WWOX: variants seen among roughly 807,000 people sequenced by gnomAD.
WWOX encodes WW domain containing oxidoreductase.
WWOX carries 69 observed loss-of-function variants against 46.2 expected under a neutral mutation model. The observed-to-expected ratio is 1.49, with a 90% CI of 1.23 to 1.82. The LOEUF (loss-of-function observed/expected upper bound fraction) is 1.82. Among genes scored for constraint, WWOX ranks in the 40% most tolerant of loss-of-function variants. WWOX has a pLI of 0.00. For missense variants in WWOX, 919 were observed against 542.6 expected, an observed-to-expected ratio of 1.69 and a Z score of -6.89; for synonymous variants, 359 against 202.6, an observed-to-expected ratio of 1.77 and a Z score of -6.56.
At chr16:78,850,989 A>C (rs1004440082) in intron 8 of WWOX, among the ~76,000 whole-genome samples, 2 of 152,144 alleles carry the variant, frequency 1.3e-5, no homozygotes, top group Non-Finnish European at 2.9e-5. Flanking sequence ...CTCTGCATGT[A>C]GTGTTTCTTT....
intron 5 of WWOX, among the ~76,000 whole-genome samples, chr16:78,354,270 T>A (rs893899463): frequency 6.6e-6 from 1 of 150,706 alleles, no homozygotes; most frequent in Non-Finnish European, 1.5e-5. Context: ...AATCTCTTTT[T>A]GCTTGGCATA....
At chr16:78,881,858 C>T (rs566579392) in intron 8 of WWOX, among the ~76,000 whole-genome samples, 314 of 152,326 alleles carry the variant, frequency 2.1e-3, no homozygotes, top group Middle Eastern at 0.017. Flanking sequence ...CACGGTGGCT[C>T]ATGCCTGTAA....
chr16:78,676,057 A>G (rs946939531), intron 8 of WWOX, among the ~76,000 whole-genome samples: 1 of 152,016 alleles, frequency 6.6e-6, no homozygotes, highest in Non-Finnish European at 1.5e-5. Flanking sequence ...TTGTTTAAGA[A>G]TCTCAGAGTA....
intron 8 of WWOX, among the ~76,000 whole-genome samples, chr16:78,932,945 C>T (rs1487101837): frequency 6.6e-6 from 1 of 152,194 alleles, no homozygotes; most frequent in African/African-American, 2.4e-5. Flanking sequence ...TGCTGCCTGC[C>T]CTCTGGTTGA....
At chr16:78,796,248 C>T (rs896681375) in intron 8 of WWOX, among the ~76,000 whole-genome samples, 1 of 152,220 alleles carries the variant, frequency 6.6e-6, no homozygotes, top group Admixed American at 6.5e-5. Flanking sequence ...AACTGGCCTC[C>T]CATACTGTGA....
rs543894335 is a variant in WWOX at position 78,843,574 on chromosome 16, C to A, written c.1057-368034C>A. ...TTGGAAATCACTTCCTTGGCCAGAG[C>A]AGGGGTCCGGTGTAAAGGAGGAAAT... On this transcript the variant is annotated intron_variant, in intron 8 of 8. Coordinates refer to ENST00000566780, the MANE Select transcript of WWOX (RefSeq NM_016373.4). Among the ~76,000 whole-genome samples, 84 of 140,440 alleles carry A rather than the reference C, an allele frequency of 6.0e-4. 7 individuals are homozygous for A. Among genetic ancestry groups the A allele is most frequent in the East Asian group, 1.6e-3 (8 of 4,956 alleles). 92.1% of individuals were successfully genotyped at this position (140,440 alleles called of 152,430 possible).
intron 8 of WWOX, among the ~76,000 whole-genome samples, chr16:78,893,628 ATTG>A (rs1360854132): frequency 2.0e-5 from 3 of 152,018 alleles, no homozygotes; most frequent in Non-Finnish European, 2.9e-5. Flanking sequence ...TATTTCATGT[ATTG>A]TTGTTTTCTT....
chr16:78,240,719 T>C (rs549382930), intron 5 of WWOX, among the ~76,000 whole-genome samples: 1 of 152,286 alleles, frequency 6.6e-6, no homozygotes, highest in South Asian at 2.1e-4. Flanking sequence ...GTTATGCATT[T>C]GCTTACTCAT....
chr16:78,884,365 T>G (rs1367214055), intron 8 of WWOX, among the ~76,000 whole-genome samples: 1 of 148,860 alleles, frequency 6.7e-6, no homozygotes, highest in Non-Finnish European at 1.5e-5. Flanking sequence ...AGTACAAGAG[T>G]GTGTTTAGCA....
intron 8 of WWOX, among the ~76,000 whole-genome samples, chr16:79,123,432 G>A (rs1021079564): frequency 1.4e-4 from 22 of 152,152 alleles, no homozygotes. Flanking sequence ...GCTGGGGAGT[G>A]AATCTGTCGT....
intron 8 of WWOX, among the ~76,000 whole-genome samples, chr16:79,006,013 G>A (rs58373874): frequency 0.029 from 4,415 of 152,180 alleles, 170 homozygotes; most frequent in South Asian, 0.095. Context: ...AACCATTTGC[G>A]GTCACCTCTT....
At chr16:78,392,260 C>T (rs573208594) in intron 6 of WWOX, among the ~76,000 whole-genome samples, 58 of 152,124 alleles carry the variant, frequency 3.8e-4, no homozygotes, top group African/African-American at 1.3e-3. Flanking sequence ...CTCATAGGAC[C>T]GTGATCCCTA....
At chr16:78,944,770 T>G (rs964402725) in intron 8 of WWOX, among the ~76,000 whole-genome samples, 2 of 152,148 alleles carry the variant, frequency 1.3e-5, no homozygotes, top group African/African-American at 4.8e-5. Context: ...CCCATCTAAG[T>G]AAGTGAGCAT....
intron 8 of WWOX, among the ~76,000 whole-genome samples, chr16:78,614,471 T>C (rs1277210794): frequency 6.6e-6 from 1 of 152,250 alleles, no homozygotes; most frequent in African/African-American, 2.4e-5. Context: ...CGGCAGGTCC[T>C]CTGGGCCAGC....
intron 8 of WWOX, among the ~76,000 whole-genome samples, chr16:78,841,788 T>G (rs2052158203): frequency 6.6e-6 from 1 of 152,230 alleles, no homozygotes; most frequent in Admixed American, 6.5e-5. Flanking sequence ...TAAAAAAAAT[T>G]TATGACATAT....
intron 8 of WWOX, among the ~76,000 whole-genome samples, chr16:78,675,904 T>C (rs2047586741): frequency 1.3e-5 from 2 of 152,092 alleles, no homozygotes; most frequent in Non-Finnish European, 2.9e-5. Flanking sequence ...ATTTGGAAAA[T>C]GTAAGAAGTC....
chr16:78,669,902 G>A (rs1402944623), intron 8 of WWOX, among the ~76,000 whole-genome samples: 2 of 152,092 alleles, frequency 1.3e-5, no homozygotes, highest in Non-Finnish European at 1.5e-5. Context: ...TCTTGCACAT[G>A]TACTGCTTTT....
At chr16:78,303,850 C>CGTG (rs2080086614) in intron 5 of WWOX, among the ~76,000 whole-genome samples, 1 of 152,134 alleles carries the variant, frequency 6.6e-6, no homozygotes, top group Non-Finnish European at 1.5e-5. Context: ...CGGCCAGACC[C>CGTG]GTGCTCTTTC....
At chr16:78,934,287 G>C (rs1032145759) in intron 8 of WWOX, among the ~76,000 whole-genome samples, 1 of 143,444 alleles carries the variant, frequency 7.0e-6, no homozygotes, top group Non-Finnish European at 1.5e-5. Context: ...GCAGTGAGCC[G>C]AGATCGCACC....
Sources: gnomAD v4.1 joint callset for allele counts (sites outside exome capture counted in the v4.1 genomes callset) on GRCh38, gnomAD v4.1.1 for gene constraint, MANE v1.5 for transcripts, NCBI Gene and HGNC (gene_info 2026-07-23, HGNC 2026-07-21) for gene names.